DYNC2I2: variants seen among roughly 807,000 people sequenced by gnomAD.
DYNC2I2 encodes dynein 2 intermediate chain 2.
In DYNC2I2, 39 loss-of-function variants were observed where a neutral mutation model predicts 52.0. That is an observed-to-expected ratio of 0.75 (90% confidence interval 0.58 to 0.98). The LOEUF (loss-of-function observed/expected upper bound fraction) is 0.98, where lower values mean the gene tolerates loss of function less well. Among genes scored for constraint, DYNC2I2 ranks in the 50% least tolerant of loss-of-function variants. The probability of loss-of-function intolerance (pLI) is 0.00; values close to 1 mark genes in which losing one functional copy is unlikely to be tolerated. For synonymous variants in DYNC2I2, 359 were observed against 321.1 expected (o/e 1.12, Z -1.26); for missense variants, 743 against 728.4 (o/e 1.02, Z -0.23).
At chr9:128,660,165 G>C (rs1039992657), upstream of DYNC2I2, among the ~76,000 whole-genome samples, 6 of 151,756 alleles carry the variant, frequency 4.0e-5, no homozygotes, top group Non-Finnish European at 8.8e-5. Context: ...CTGGAGTGCA[G>C]TGGCACGATC....
chr9:128,684,244 C>T, the DYNC2I2 span, among the ~76,000 whole-genome samples: 1 of 152,080 alleles, frequency 6.6e-6, no homozygotes, highest in East Asian at 1.9e-4. Context: ...AGCTTGTCTC[C>T]CCAGCCCCCA....
the DYNC2I2 span, among the ~76,000 whole-genome samples, chr9:128,677,375 C>T: frequency 2.0e-5 from 3 of 152,066 alleles, no homozygotes; most frequent in African/African-American, 7.2e-5. Context: ...TTCCCAGCTA[C>T]TTGGGAGGCT....
the DYNC2I2 span, among the ~76,000 whole-genome samples, chr9:128,671,444 G>A: frequency 6.6e-6 from 1 of 150,726 alleles, no homozygotes; most frequent in Non-Finnish European, 1.5e-5. Flanking sequence ...TAGGATTACA[G>A]GCACATGCAC....
the DYNC2I2 span, among the ~76,000 whole-genome samples, chr9:128,670,428 G>GA: frequency 1.3e-5 from 2 of 151,264 alleles, no homozygotes; most frequent in African/African-American, 4.9e-5. Flanking sequence ...TGACAAGAGT[G>GA]AAATTCCATC....
the DYNC2I2 span, among the ~76,000 whole-genome samples, chr9:128,666,235 GCGTGGGC>G: frequency 6.8e-6 from 1 of 147,708 alleles, no homozygotes. Flanking sequence ...AGTTAGCCGG[GCGTGGGC>G]ATGGTGGTGG....
the DYNC2I2 span, chr9:128,663,530 TGGA>T: frequency 6.6e-6 from 1 of 152,020 alleles, no homozygotes; most frequent in South Asian, 2.1e-4. Context: ...GCCAGGACAG[TGGA>T]GGAGGGTGTG....
the DYNC2I2 span, among the ~76,000 whole-genome samples, chr9:128,664,017 G>C: frequency 6.7e-6 from 1 of 148,678 alleles, no homozygotes; most frequent in African/African-American, 2.5e-5. Context: ...GAGTGCAATG[G>C]CGTGGTCTTG....
At position 128,640,816 on chromosome 9, in the gene DYNC2I2, C is replaced by T. The variant is rs574651942; in HGVS notation, c.310G>A (p.Asp104Asn). 62 of 1,614,140 alleles carry T rather than the reference C, an allele frequency of 3.8e-5. No homozygotes were observed. The highest frequency in any genetic ancestry group is 2.7e-4 in the Admixed American group (16 of 60,010). Residue 104 changes from aspartate to asparagine, a missense_variant, in exon 2 of 9, where the codon GAC (aspartate) becomes AAC (asparagine). Physicochemically the swap from Asp to Asn is conservative, Grantham distance 23. Transcript: ENST00000372715. The stretch of plus-strand genomic sequence containing the variant: ...AGAAAGGCTGCGAGCCTGGGTATGT[C>T]ATACTGGGACGGGGGCTGCACGCTG... ...PVSVQPPSQY[D>N]IPRLAAFLRR...
chr9:128,659,277 C>CCT (rs1263733799), upstream of DYNC2I2, among the ~76,000 whole-genome samples: 3 of 150,172 alleles, frequency 2.0e-5, no homozygotes, highest in Non-Finnish European at 3.0e-5. Flanking sequence ...GGGCGGATCA[C>CCT]GAGGTCAGGA....
the DYNC2I2 span, among the ~76,000 whole-genome samples, chr9:128,663,952 CTTTT>C: frequency 2.7e-4 from 28 of 101,990 alleles, no homozygotes; most frequent in East Asian, 2.6e-3. Context: ...TGCACCCAGG[CTTTT>C]TTTTTTTTTT....
Position 128,637,685 on chromosome 9 carries a change from C to T in DYNC2I2, c.436-658G>A, listed in dbSNP as rs573665822. Among the ~76,000 whole-genome samples, 12 of 152,280 alleles carry T rather than the reference C, an allele frequency of 7.9e-5. No individual in the cohort carries two copies. The South Asian group carries it at 1.0e-3, about 13-fold the overall frequency. ...CTCGAACTCCTGACCTCAGGTGATC[C>T]GCCTGCCTCGGTCTCCCAAAGTGCT... On this transcript the variant is annotated intron_variant, in intron 2 of 8. Coordinates refer to ENST00000372715, the MANE Select transcript of DYNC2I2 (RefSeq NM_052844.4).
upstream of DYNC2I2, among the ~76,000 whole-genome samples, chr9:128,661,020 G>T (rs984485061): frequency 6.6e-6 from 1 of 151,942 alleles, no homozygotes; most frequent in Admixed American, 6.6e-5. Flanking sequence ...AAGCCACTGC[G>T]CCAGGTCAAA....
At chr9:128,669,190 T>C in the DYNC2I2 span, among the ~76,000 whole-genome samples, 89 of 151,336 alleles carry the variant, frequency 5.9e-4, no homozygotes, top group Middle Eastern at 6.9e-3. Flanking sequence ...ACGGTGAAAC[T>C]CCGTCTCTAC....
In DYNC2I2 at chr9:128,633,750, CGCCACCTCTGCT is replaced by C. The variant is rs1564335969; in HGVS notation, c.1593_1604del (p.Ala532_Ala535del). 1 of 1,612,844 alleles carries C rather than the reference CGCCACCTCTGCT, an allele frequency of 6.2e-7. No homozygotes were observed. Among genetic ancestry groups the C allele is most frequent in the Non-Finnish European group, 8.5e-7 (1 of 1,179,970 alleles). On this transcript the variant is annotated inframe_deletion, in exon 9 of 9. Transcript: ENST00000372715. ...ACCCGCCTCCCGGGACCCCTCAGGC[CGCCACCTCTGCT>C]GCCAGGCAGTCCAGGTCCTCAGCTT... is the stretch of plus-strand genomic sequence containing the variant.
Position 128,656,688 on chromosome 9 carries a change from C to T in DYNC2I2, c.39G>A (p.Ala13=), listed in dbSNP as rs112510347. The T allele has an allele frequency of 2.0e-6, 3 of 1,489,712 alleles. No homozygotes were observed. Among genetic ancestry groups the T allele is most frequent in the East Asian group, 2.7e-5 (1 of 36,934 alleles). 92.3% of individuals were successfully genotyped at this position (1,489,712 alleles called of 1,614,324 possible). A position where few individuals can be genotyped will look rare whatever the true frequency, so the allele number is the denominator to read the frequency against. ...TRAQPGPLSQ[A]GSAGVAALAT... ...CCAGCGCCGCAACACCAGCGCTTCC[C>T]GCCTGGCTGAGTGGCCCCGGCTGCG... Residue 13 remains alanine (A), a synonymous_variant, in exon 1 of 9, where the codon GCG becomes GCA. Transcript: ENST00000372715.
At chr9:128,641,183 G>A (rs987864617) in intron 1 of DYNC2I2, among the ~76,000 whole-genome samples, 2 of 152,068 alleles carry the variant, frequency 1.3e-5, no homozygotes, top group African/African-American at 4.8e-5. Flanking sequence ...TTCAGGGCTG[G>A]CCAAGTGACC....
At chr9:128,647,531 C>T (rs1263142067) in intron 1 of DYNC2I2, among the ~76,000 whole-genome samples, 6 of 152,020 alleles carry the variant, frequency 3.9e-5, no homozygotes, top group Non-Finnish European at 7.4e-5. Flanking sequence ...GTCAGGAGAT[C>T]GAGACCATCC....
chr9:128,668,888 G>A, the DYNC2I2 span, among the ~76,000 whole-genome samples: 10 of 151,284 alleles, frequency 6.6e-5, no homozygotes, highest in Admixed American at 4.0e-4. Context: ...AATACTTACC[G>A]GGACAGTGTA....
At chr9:128,641,399 G>A (rs983573470) in intron 1 of DYNC2I2, among the ~76,000 whole-genome samples, 1 of 152,030 alleles carries the variant, frequency 6.6e-6, no homozygotes, top group Non-Finnish European at 1.5e-5. Context: ...CCAGCACCCG[G>A]GTAAGCAACA....
Sources: gnomAD v4.1 joint callset for allele counts (sites outside exome capture counted in the v4.1 genomes callset) on GRCh38, gnomAD v4.1.1 for gene constraint, MANE v1.5 for transcripts, NCBI Gene and HGNC (gene_info 2026-07-23, HGNC 2026-07-21) for gene names.